The following BPGM variants were observed in gnomAD, a reference collection of about 807,000 sequenced individuals.
The protein encoded by BPGM is bisphosphoglycerate mutase, also known as 2,3-bisphosphoglycerate mutase, erythrocyte.
In BPGM, 15 loss-of-function variants were observed where a neutral mutation model predicts 21.6. The observed-to-expected ratio is 0.70, with a 90% CI of 0.47 to 1.07. BPGM has a LOEUF of 1.07. Among genes scored for constraint, BPGM ranks in the 50% least tolerant of loss-of-function variants. The pLI is 0.00. For missense variants in BPGM, 273 were observed against 319.0 expected, an observed-to-expected ratio of 0.86 and a Z score of 1.10; for synonymous variants, 113 against 116.2, an observed-to-expected ratio of 0.97 and a Z score of 0.18.
chr7:134,661,925 C>A lies in BPGM; in HGVS notation c.418C>A (p.Arg140=). ...TTACTACCAAGAAATCTACAACGAC[C>A]GGAGGTATAAAGTATGCGATGTGCC... ...HPYYQEIYND[R]RYKVCDVPLD... Residue 140 remains arginine (R), a synonymous_variant, in exon 2 of 3, where the codon CGG becomes AGG. Transcript: ENST00000344924. The surrounding 1 kb of genome is among the most constrained non-coding windows in gnomAD (Gnocchi z 4.6). 1 of 1,613,342 alleles carries A rather than the reference C, an allele frequency of 6.2e-7. No homozygotes were observed. Among genetic ancestry groups the A allele is most frequent in the Admixed American group, 1.7e-5 (1 of 59,982 alleles).
At chr7:134,659,351 A>G (rs560949637) in intron 1 of BPGM, among the ~76,000 whole-genome samples, 14 of 149,180 alleles carry the variant, frequency 9.4e-5, no homozygotes, top group African/African-American at 3.5e-4. Context: ...TTGCAAATTA[A>G]CACACTTACA....
chr7:134,678,488 A>G (rs1408465056), intron 2 of BPGM, among the ~76,000 whole-genome samples: 4 of 152,226 alleles, frequency 2.6e-5, no homozygotes, highest in Non-Finnish European at 5.9e-5. Flanking sequence ...AAGGAGAAAT[A>G]CAGCCAATGC....
intron 1 of BPGM, among the ~76,000 whole-genome samples, chr7:134,648,369 A>C (rs1039290258): frequency 1.3e-5 from 2 of 151,930 alleles, no homozygotes; most frequent in African/African-American, 4.8e-5. Context: ...TCCTGACCTC[A>C]GGTGATCTGC....
chr7:134,678,832 T>C (rs1331542984), intron 2 of BPGM, 21 bp from the exon 3 acceptor site: 2 of 1,608,908 alleles, frequency 1.2e-6, no homozygotes, highest in Non-Finnish European at 1.7e-6. Flanking sequence ...ACACCTGGTC[T>C]CTTCCTGTCC....
rs1358134633 is a variant in BPGM, at chr7:134,665,538, G to A, written c.601+3430G>A. ...TAGATGACACATTAGTGGGTGCAGC[G>A]CACCAGCATGGCACATGTATACATA... On this transcript the variant is annotated intron_variant, in intron 2 of 2. Transcript: ENST00000344924. Among the ~76,000 whole-genome samples the A allele has an allele frequency of 1.9e-4, 12 of 64,090 alleles. 5 individuals are homozygous for A. The highest frequency in any genetic ancestry group is 1.1e-3 in the African/African-American group (12 of 11,060). The allele number at this position is 64,090 out of a possible 152,430, so 42.0% of individuals were successfully genotyped here. A position where few individuals can be genotyped will look rare whatever the true frequency, so the allele number is the denominator to read the frequency against.
chr7:134,671,169 T>C (rs936969826), intron 2 of BPGM, among the ~76,000 whole-genome samples: 2 of 152,138 alleles, frequency 1.3e-5, no homozygotes, highest in Non-Finnish European at 2.9e-5. Flanking sequence ...GGTTTGCACC[T>C]AGGGTTCACT....
chr7:134,669,678 T>C (rs1027797907), intron 2 of BPGM, among the ~76,000 whole-genome samples: 3 of 152,236 alleles, frequency 2.0e-5, no homozygotes, highest in Non-Finnish European at 4.4e-5. Flanking sequence ...CCCTGTCAAA[T>C]GACTTATTTA....
At chr7:134,672,968 A>AT (rs1562971718) in intron 2 of BPGM, among the ~76,000 whole-genome samples, 1 of 152,042 alleles carries the variant, frequency 6.6e-6, no homozygotes, top group African/African-American at 2.4e-5. Flanking sequence ...AGGTCAGGAG[A>AT]TAGAGACCAT....
At chr7:134,647,803 A>AT (rs1049929755) in intron 1 of BPGM, among the ~76,000 whole-genome samples, 17 of 151,972 alleles carry the variant, frequency 1.1e-4, no homozygotes, top group South Asian at 6.3e-4. Context: ...TTTATTTTTT[A>AT]TTTTTTTTGA....
chr7:134,663,112 GT>G (rs1389824940), intron 2 of BPGM, among the ~76,000 whole-genome samples: 3 of 152,094 alleles, frequency 2.0e-5, no homozygotes, highest in Non-Finnish European at 4.4e-5. Context: ...TCCACCATTC[GT>G]TTTCATTCTG....
At chr7:134,650,256 C>A (rs1350200614) in intron 1 of BPGM, among the ~76,000 whole-genome samples, 1 of 152,170 alleles carries the variant, frequency 6.6e-6, no homozygotes, top group Non-Finnish European at 1.5e-5. Context: ...TGGGTGTTGT[C>A]CACAGTGGTG....
At chr7:134,662,381 T>C (rs1562969248) in intron 2 of BPGM, among the ~76,000 whole-genome samples, 1 of 152,186 alleles carries the variant, frequency 6.6e-6, no homozygotes, top group Non-Finnish European at 1.5e-5. Flanking sequence ...CCTCAGAGTT[T>C]CGGAATCAGT....
In BPGM at chr7:134,678,973, T is replaced by G. The variant is rs1212967470; in HGVS notation, c.722T>G (p.Ile241Ser). The G allele has an allele frequency of 6.2e-7, 1 of 1,613,972 alleles. No individual in the cohort carries two copies. The highest frequency in any genetic ancestry group is 8.5e-7 in the Non-Finnish European group (1 of 1,179,992). Residue 241 changes from isoleucine (I) to serine (S), a missense_variant, in exon 3 of 3, where the codon ATC becomes AGC. By Grantham distance (142) the Ile-to-Ser change is moderately radical. Transcript: ENST00000344924. ...PHQFLGDQEAIQAAIKKVEDQ... is the reference protein window; with the variant it reads ...PHQFLGDQEASQAAIKKVEDQ... ...CAGTTCCTGGGTGACCAAGAGGCGA[T>G]CCAAGCAGCCATTAAGAAAGTAGAA...
intron 2 of BPGM, among the ~76,000 whole-genome samples, chr7:134,673,848 C>A (rs928595527): frequency 1.3e-5 from 2 of 150,670 alleles, no homozygotes; most frequent in Admixed American, 1.3e-4. Context: ...TTTTTACTGC[C>A]TTAATAGTCC....
intron 1 of BPGM, among the ~76,000 whole-genome samples, chr7:134,656,357 T>A (rs1182586079): frequency 6.6e-6 from 1 of 152,124 alleles, no homozygotes; most frequent in Non-Finnish European, 1.5e-5. Context: ...AAAGACATAC[T>A]GTGAAAAAAA....
At chr7:134,659,382 TGTG>T (rs1795693721) in intron 1 of BPGM, among the ~76,000 whole-genome samples, 2 of 108,886 alleles carry the variant, frequency 1.8e-5, no homozygotes, top group African/African-American at 7.8e-5. Flanking sequence ...CGTGTGTGTG[TGTG>T]TGTGTGTGTG....
At chr7:134,663,777 A>T (rs1376696609) in intron 2 of BPGM, among the ~76,000 whole-genome samples, 1 of 152,210 alleles carries the variant, frequency 6.6e-6, no homozygotes, top group African/African-American at 2.4e-5. Context: ...CTACTGTTTA[A>T]TACCATTGAC....
chr7:134,679,103 T>C lies in BPGM; in HGVS notation c.*72T>C. On this transcript the variant is annotated 3_prime_UTR_variant, in exon 3 of 3. Transcript: ENST00000344924. The stretch of plus-strand genomic sequence containing the variant: ...GGAGTGTGTTATGGGTGCTGAACTC[T>C]CTCTCTTTTTCCCCGATTTTCCAGA... 6.5e-7 allele frequency: 1 copy of C among 1,527,386 alleles called. No individual in the cohort carries two copies. 94.6% of individuals were successfully genotyped at this position (1,527,386 alleles called of 1,614,324 possible). A position where few individuals can be genotyped will look rare whatever the true frequency, so the allele number is the denominator to read the frequency against.
chr7:134,653,546 C>T (rs1291502990), intron 1 of BPGM, among the ~76,000 whole-genome samples: 1 of 152,160 alleles, frequency 6.6e-6, no homozygotes, highest in Admixed American at 6.5e-5. Flanking sequence ...CATGCTTTGG[C>T]ACAGGCTTTT....
Sources: allele counts gnomAD v4.1 joint callset (sites outside exome capture counted in the v4.1 genomes callset), GRCh38; gene constraint gnomAD v4.1.1; non-coding constraint Gnocchi (gnomAD v3.1); transcripts MANE v1.5; gene names NCBI Gene and HGNC (gene_info 2026-07-23, HGNC 2026-07-21).